The following EPC1 variants were observed in gnomAD, a reference collection of about 807,000 sequenced individuals.
EPC1 encodes the protein enhancer of polycomb 1.
EPC1 carries 12 observed loss-of-function variants against 98.4 expected under a neutral mutation model. The observed-to-expected ratio is 0.12, with a 90% CI of 0.08 to 0.20. EPC1 has a LOEUF of 0.20. Ranked by LOEUF, EPC1 falls within the 10% of genes least tolerant of loss-of-function variation. EPC1 has a pLI of 1.00. For synonymous variants in EPC1, 357 were observed against 363.9 expected, an observed-to-expected ratio of 0.98 and a Z score of 0.21; for missense variants, 729 against 990.5, an observed-to-expected ratio of 0.74 and a Z score of 3.54.
intron 1 of EPC1, among the ~76,000 whole-genome samples, chr10:32,320,866 C>T (rs995091836): frequency 6.6e-6 from 1 of 151,948 alleles, no homozygotes; most frequent in Admixed American, 6.5e-5. Flanking sequence ...GGATTACAGG[C>T]GTGAGCCACC....
intron 1 of EPC1, among the ~76,000 whole-genome samples, chr10:32,322,015 T>C (rs1464373869): frequency 1.3e-5 from 2 of 150,172 alleles, no homozygotes; most frequent in East Asian, 1.9e-4. Context: ...GGATTCTCCT[T>C]AGAGTACTTC....
At chr10:32,313,828 GT>G (rs1836393054) in intron 1 of EPC1, among the ~76,000 whole-genome samples, 1 of 152,120 alleles carries the variant, frequency 6.6e-6, no homozygotes, top group Non-Finnish European at 1.5e-5. Flanking sequence ...GGAGGCTGCA[GT>G]GAGCTGAGAT....
At chr10:32,270,493 T>C (rs1441371719) in intron 13 of EPC1, among the ~76,000 whole-genome samples, 1 of 151,980 alleles carries the variant, frequency 6.6e-6, no homozygotes, top group South Asian at 2.1e-4. Flanking sequence ...CAATTTAGAG[T>C]TGACCTGGCA....
At chr10:32,326,683 T>C (rs1460858812) in intron 1 of EPC1, among the ~76,000 whole-genome samples, 1 of 152,110 alleles carries the variant, frequency 6.6e-6, no homozygotes, top group Non-Finnish European at 1.5e-5. Flanking sequence ...TACAAAATAT[T>C]TGGTAAAAGT....
intron 1 of EPC1, among the ~76,000 whole-genome samples, chr10:32,327,473 G>C (rs1308056795): frequency 1.3e-5 from 2 of 152,138 alleles, no homozygotes; most frequent in African/African-American, 4.8e-5. Context: ...TCACAACAAA[G>C]AAATGATAAA....
intron 1 of EPC1, among the ~76,000 whole-genome samples, chr10:32,334,732 CAA>C (rs1161534946): frequency 1.3e-5 from 2 of 152,118 alleles, no homozygotes; most frequent in African/African-American, 4.8e-5. Context: ...CTGGGATAGT[CAA>C]AAGTCATCCT....
intron 1 of EPC1, among the ~76,000 whole-genome samples, chr10:32,328,760 G>A (rs559600250): frequency 2.6e-5 from 4 of 152,162 alleles, no homozygotes; most frequent in Admixed American, 6.5e-5. Flanking sequence ...GCGGTGGGAT[G>A]GGGACTGCAG....
intron 1 of EPC1, among the ~76,000 whole-genome samples, chr10:32,371,001 A>G (rs1299623173): frequency 1.3e-5 from 2 of 152,196 alleles, no homozygotes; most frequent in African/African-American, 4.8e-5. Flanking sequence ...CTCCAATGGT[A>G]TGGAAGGATG....
intron 1 of EPC1, among the ~76,000 whole-genome samples, chr10:32,309,101 T>C (rs527922912): frequency 6.6e-6 from 1 of 152,146 alleles, no homozygotes; most frequent in South Asian, 2.1e-4. Context: ...TTGAACTCAA[T>C]TGTTCATTAA....
intron 1 of EPC1, among the ~76,000 whole-genome samples, chr10:32,335,765 C>T (rs941290507): frequency 1.3e-5 from 2 of 152,148 alleles, no homozygotes; most frequent in Admixed American, 1.3e-4. Flanking sequence ...TTCTCGCCCA[C>T]GCTGATCTTT....
chr10:32,345,813 TAAGA>T (rs1191461585), intron 1 of EPC1, among the ~76,000 whole-genome samples: 6 of 152,216 alleles, frequency 3.9e-5, no homozygotes, highest in Non-Finnish European at 4.4e-5. Context: ...CGGTTTTGAA[TAAGA>T]AAGGATCCTC....
At position 32,291,345 on chromosome 10, in the gene EPC1, T is replaced by C; in HGVS notation, c.816-23A>G. On this transcript the variant is annotated intron_variant, in intron 5 of 13. Coordinates refer to ENST00000319778, the MANE Select transcript of EPC1 (RefSeq NM_001272004.3). Reference sequence around the variant, plus strand: ...TACCTAAAATTATACAAATGAAAGTTTAAAATTATATATATTTAAGGAATA... The same window carrying C: ...TACCTAAAATTATACAAATGAAAGTCTAAAATTATATATATTTAAGGAATA... 3 of 1,556,102 alleles carry C rather than the reference T, an allele frequency of 1.9e-6. No homozygotes were observed. The Admixed American group carries it at 5.2e-5, about 27-fold the overall frequency.
intron 1 of EPC1, among the ~76,000 whole-genome samples, chr10:32,355,136 C>T (rs1839234388): frequency 6.6e-6 from 1 of 152,100 alleles, no homozygotes; most frequent in South Asian, 2.1e-4. Flanking sequence ...GAAACTAGTC[C>T]CTGGTGCCAA....
chr10:32,372,076 C>T (rs1254472503), intron 1 of EPC1, among the ~76,000 whole-genome samples: 1 of 152,132 alleles, frequency 6.6e-6, no homozygotes, highest in Admixed American at 6.5e-5. Flanking sequence ...AGCCAAAATA[C>T]TTATCATGGC....
chr10:32,291,126 C>T (rs2132727041), intron 6 of EPC1, 37 bp downstream of exon 6: 1 of 1,554,794 alleles, frequency 6.4e-7, no homozygotes. Context: ...AATACCATCC[C>T]ATTATTAGAT....
At chr10:32,362,667 C>T (rs1839477134) in intron 1 of EPC1, among the ~76,000 whole-genome samples, 1 of 152,198 alleles carries the variant, frequency 6.6e-6, no homozygotes, top group Non-Finnish European at 1.5e-5. Context: ...AATGCAAGAA[C>T]AAACTAATAC....
At chr10:32,275,827 C>A (rs193096411) in intron 10 of EPC1, among the ~76,000 whole-genome samples, 5 of 151,276 alleles carry the variant, frequency 3.3e-5, no homozygotes, top group African/African-American at 1.2e-4. Context: ...GTCCCAGCTA[C>A]TCAGGGGGCT....
Position 32,293,455 on chromosome 10 carries a change from G to C in EPC1, c.459+137C>G, listed in dbSNP as rs1025625742. ...ATTACACAGGTTACTGATAAGCAGA[G>C]ATGAGATTTGAATTCATACTTTTTA... On this transcript the variant is annotated intron_variant, in intron 3 of 13. Transcript: ENST00000319778. The C allele has an allele frequency of 1.2e-5, 10 of 864,890 alleles. No homozygotes were observed. The African/African-American group carries it at 1.7e-4, about 15-fold the overall frequency. 53.6% of individuals were successfully genotyped at this position (864,890 alleles called of 1,614,324 possible). A position where few individuals can be genotyped will look rare whatever the true frequency, so the allele number is the denominator to read the frequency against.
In EPC1 at chr10:32,285,026, T is replaced by C; in HGVS notation, c.1416A>G (p.Ser472=). ...GGRVLLDRAH[S]DYDSVFHHLD... ...GATGGTGAAACACACTGTCATAGTCTGAATGAGCTCTGTCCAGTAAGACCC... is the reference window on the plus strand; with the variant it reads ...GATGGTGAAACACACTGTCATAGTCCGAATGAGCTCTGTCCAGTAAGACCC... Residue 472 remains serine (S), a synonymous_variant, in exon 10 of 14, where the codon TCA becomes TCG. Transcript: ENST00000319778. 2.5e-6 allele frequency: 4 copies of C among 1,613,950 alleles called. No homozygotes were observed. The highest frequency in any genetic ancestry group is 3.4e-6 in the Non-Finnish European group (4 of 1,179,840).
Sources: gnomAD v4.1 joint callset for allele counts (sites outside exome capture counted in the v4.1 genomes callset) on GRCh38, gnomAD v4.1.1 for gene constraint, MANE v1.5 for transcripts, NCBI Gene and HGNC (gene_info 2026-07-23, HGNC 2026-07-21) for gene names.